Variants in KIRREL3 observed in about 807,000 individuals in gnomAD.
KIRREL3 encodes the protein kin of IRRE-like protein 3.
In KIRREL3, 36 loss-of-function variants were observed where a neutral mutation model predicts 89.7. The ratio of observed to expected loss-of-function variants is 0.40; its 90% confidence interval spans 0.31 to 0.53. The LOEUF is 0.53. KIRREL3 is among the 20% of genes least tolerant of loss of function. The pLI is 0.49. For synonymous variants in KIRREL3, 445 were observed against 441.4 expected, an observed-to-expected ratio of 1.01 and a Z score of -0.10; for missense variants, 864 against 1,056.6, an observed-to-expected ratio of 0.82 and a Z score of 2.53.
intron 1 of KIRREL3, among the ~76,000 whole-genome samples, chr11:126,700,675 G>C (rs1242690675): frequency 6.6e-6 from 1 of 152,138 alleles, no homozygotes; most frequent in Non-Finnish European, 1.5e-5. Flanking sequence ...GAAGCAGCCG[G>C]GGCTCTGAGG....
intron 1 of KIRREL3, among the ~76,000 whole-genome samples, chr11:126,679,515 G>T (rs1375506960): frequency 3.3e-5 from 5 of 152,124 alleles, no homozygotes; most frequent in South Asian, 2.1e-4. Context: ...AGTGTATAAG[G>T]TCACACACCT....
intron 1 of KIRREL3, among the ~76,000 whole-genome samples, chr11:126,854,502 T>C (rs1944445840): frequency 3.9e-5 from 6 of 152,224 alleles, no homozygotes; most frequent in Admixed American, 3.9e-4. Flanking sequence ...TCTGGCTTAT[T>C]TAACTTAGCA....
chr11:126,453,811 A>G (rs1956257234), intron 7 of KIRREL3, among the ~76,000 whole-genome samples: 1 of 152,094 alleles, frequency 6.6e-6, no homozygotes, highest in South Asian at 2.1e-4. Flanking sequence ...AGGGCCCTTC[A>G]CTAATCAGAA....
At chr11:126,886,491 T>C (rs888749664) in intron 1 of KIRREL3, among the ~76,000 whole-genome samples, 4 of 152,226 alleles carry the variant, frequency 2.6e-5, no homozygotes, top group Admixed American at 6.5e-5. Context: ...TAAACTTCAT[T>C]TTTAAACTGA....
At chr11:126,659,345 A>G (rs1418569500) in intron 1 of KIRREL3, among the ~76,000 whole-genome samples, 1 of 152,242 alleles carries the variant, frequency 6.6e-6, no homozygotes, top group Non-Finnish European at 1.5e-5. Context: ...AACACTTATC[A>G]TAATGCCACT....
At position 126,708,834 on chromosome 11, in the gene KIRREL3, C is replaced by T. The variant is rs1947644957; in HGVS notation, c.56-145922G>A. Among the ~76,000 whole-genome samples, 1 of 152,220 alleles carries T rather than the reference C, an allele frequency of 6.6e-6. No individual in the cohort carries two copies. Among genetic ancestry groups the T allele is most frequent in the African/African-American group, 2.4e-5 (1 of 41,458 alleles). On this transcript the variant is annotated intron_variant, in intron 1 of 16. Coordinates refer to ENST00000525144, the MANE Select transcript of KIRREL3 (RefSeq NM_032531.4). This position sits in a 1 kb window ranked among gnomAD's most constrained non-coding sequence, Gnocchi z 5.7. ...AATCATCACTAAGCCAGGTCAAAGG[C>T]CATGGGATCAGCTGTGATCTCTCCC... is the stretch of plus-strand genomic sequence containing the variant.
rs1434191941 is a variant in KIRREL3, at chr11:126,515,365, G to A, written c.433+5950C>T. Among the ~76,000 whole-genome samples the A allele has an allele frequency of 2.6e-5, 4 of 152,170 alleles. No homozygotes were observed. The highest frequency in any genetic ancestry group is 2.1e-4 in the South Asian group (1 of 4,828). On this transcript the variant is annotated intron_variant, in intron 4 of 16. Coordinates refer to ENST00000525144, the MANE Select transcript of KIRREL3 (RefSeq NM_032531.4). This position sits in a 1 kb window ranked among gnomAD's most constrained non-coding sequence, Gnocchi z 4.2. ...CTCGGGAGGCTGAGGTGGGAGGATC[G>A]CTTGAGCCAGGGAGGTCGAGGCTGC...
rs778205473 is a variant in KIRREL3 at position 126,999,471 on chromosome 11, C to T, written c.55+984G>A. Among the ~76,000 whole-genome samples the T allele has an allele frequency of 2.0e-5, 3 of 152,240 alleles. No individual in the cohort carries two copies. The highest frequency in any genetic ancestry group is 4.4e-5 in the Non-Finnish European group (3 of 68,046). Reference sequence around the variant, plus strand: ...ACCCTTCATTTAATCAACAGATGGACGTGCTCTGTTGTGGATTTTTTCTGA... The same window carrying T: ...ACCCTTCATTTAATCAACAGATGGATGTGCTCTGTTGTGGATTTTTTCTGA... On this transcript the variant is annotated intron_variant, in intron 1 of 16. Coordinates refer to ENST00000525144, the MANE Select transcript of KIRREL3 (RefSeq NM_032531.4). This position sits in a 1 kb window ranked among gnomAD's most constrained non-coding sequence, Gnocchi z 5.7.
In KIRREL3 at chr11:126,705,546, G is replaced by A. The variant is rs140086897; in HGVS notation, c.56-142634C>T. 1.2e-4 allele frequency among the ~76,000 whole-genome samples: 18 copies of A among 152,266 alleles called. No individual in the cohort carries two copies. Among genetic ancestry groups the A allele is most frequent in the African/African-American group, 2.9e-4 (12 of 41,548 alleles). On this transcript the variant is annotated intron_variant, in intron 1 of 16. Transcript: ENST00000525144. This position sits in a 1 kb window ranked among gnomAD's most constrained non-coding sequence, Gnocchi z 4.3. Reference sequence around the variant, plus strand: ...CAGAAGCTGAGAAGATACTGGAACCGTGCTTCCTGTACAGCCTGCAGAACT... The same window carrying A: ...CAGAAGCTGAGAAGATACTGGAACCATGCTTCCTGTACAGCCTGCAGAACT...
At chr11:126,479,633 C>T (rs1017906895) in intron 4 of KIRREL3, among the ~76,000 whole-genome samples, 1 of 152,206 alleles carries the variant, frequency 6.6e-6, no homozygotes, top group African/African-American at 2.4e-5. Context: ...GACAAACTGA[C>T]AAGTGCTATG....
chr11:126,790,187 C>T (rs937322364), intron 1 of KIRREL3, among the ~76,000 whole-genome samples: 2 of 152,320 alleles, frequency 1.3e-5, no homozygotes, highest in East Asian at 3.9e-4. Context: ...TGTTTCTTGT[C>T]CTCTTGCCTC....
At chr11:126,973,946 A>G (rs1949500343) in intron 1 of KIRREL3, among the ~76,000 whole-genome samples, 1 of 152,052 alleles carries the variant, frequency 6.6e-6, no homozygotes, top group African/African-American at 2.4e-5. Flanking sequence ...TTCTCTCCCT[A>G]CCAGAAGAGT....
rs1218401402 is a variant in KIRREL3 at position 126,822,861 on chromosome 11, C to T, written c.55+177594G>A. On this transcript the variant is annotated intron_variant, in intron 1 of 16. Coordinates refer to ENST00000525144, the MANE Select transcript of KIRREL3 (RefSeq NM_032531.4). ...TCAGAACGGGGCTTCTAGTAAGTTT[C>T]CAGAGACTCACACCTGCACCAGGAA... 2.4e-4 allele frequency among the ~76,000 whole-genome samples: 37 copies of T among 152,088 alleles called. 1 individual carries two copies. The highest frequency in any genetic ancestry group is 4.7e-4 in the Non-Finnish European group (32 of 68,014).
rs1942290783 is a variant in KIRREL3 at position 126,594,375 on chromosome 11, C to A, written c.56-31463G>T. ...ATCTCCCTCACTGGACCAGAAGCTC[C>A]TCGAGGAAACTCTGCGCCCTTTAGA... On this transcript the variant is annotated intron_variant, in intron 1 of 16. Transcript: ENST00000525144. The surrounding 1 kb of genome is among the most constrained non-coding windows in gnomAD (Gnocchi z 5.0). 6.6e-6 allele frequency among the ~76,000 whole-genome samples: 1 copy of A among 152,186 alleles called. No individual in the cohort carries two copies. The highest frequency in any genetic ancestry group is 1.5e-5 in the Non-Finnish European group (1 of 68,034).
Position 126,641,214 on chromosome 11 carries a change from A to G in KIRREL3, c.56-78302T>C, listed in dbSNP as rs1008015733. ...TTTCACACCCACATCCAATCTGTCAATGTAGCCTGTTGTCTCAAAATATAT... is the reference window on the plus strand; with the variant it reads ...TTTCACACCCACATCCAATCTGTCAGTGTAGCCTGTTGTCTCAAAATATAT... On this transcript the variant is annotated intron_variant, in intron 1 of 16. Transcript: ENST00000525144. This position sits in a 1 kb window ranked among gnomAD's most constrained non-coding sequence, Gnocchi z 5.0. Among the ~76,000 whole-genome samples, 4 of 152,120 alleles carry G rather than the reference A, an allele frequency of 2.6e-5. No individual in the cohort carries two copies. Among genetic ancestry groups the G allele is most frequent in the African/African-American group, 9.7e-5 (4 of 41,412 alleles).
At position 126,431,957 on chromosome 11, in the gene KIRREL3, T is replaced by C. The variant is rs1955150535; in HGVS notation, c.1589-431A>G. Among the ~76,000 whole-genome samples, 1 of 152,194 alleles carries C rather than the reference T, an allele frequency of 6.6e-6. No homozygotes were observed. The highest frequency in any genetic ancestry group is 1.5e-5 in the Non-Finnish European group (1 of 68,004). On this transcript the variant is annotated intron_variant, in intron 13 of 16. Coordinates refer to ENST00000525144, the MANE Select transcript of KIRREL3 (RefSeq NM_032531.4). This position sits in a 1 kb window ranked among gnomAD's most constrained non-coding sequence, Gnocchi z 7.1. ...TTTTTTGAAAAATGACTATGGTCAC[T>C]GCCCTTGTTTGTTCCGTATGTTCTC...
At chr11:126,731,562 G>A (rs1195932846) in intron 1 of KIRREL3, among the ~76,000 whole-genome samples, 1 of 152,206 alleles carries the variant, frequency 6.6e-6, no homozygotes, top group Non-Finnish European at 1.5e-5. Context: ...CCAATGCCTA[G>A]CGCCATGTCT....
Position 126,557,798 on chromosome 11 carries a change from G to C in KIRREL3, c.133+5037C>G, listed in dbSNP as rs1028642587. On this transcript the variant is annotated intron_variant, in intron 2 of 16. Coordinates refer to ENST00000525144, the MANE Select transcript of KIRREL3 (RefSeq NM_032531.4). The surrounding 1 kb of genome is among the most constrained non-coding windows in gnomAD (Gnocchi z 5.6). ...CAGGTGCTGTGGGGGAGGGGCATTTGCACACAGAGCCTGGACTGGGACCAC... is the reference window on the plus strand; with the variant it reads ...CAGGTGCTGTGGGGGAGGGGCATTTCCACACAGAGCCTGGACTGGGACCAC... 1.3e-5 allele frequency among the ~76,000 whole-genome samples: 2 copies of C among 152,184 alleles called. No individual in the cohort carries two copies. Among genetic ancestry groups the C allele is most frequent in the African/African-American group, 4.8e-5 (2 of 41,440 alleles).
rs575038444 is a variant in KIRREL3 at position 126,870,640 on chromosome 11, C to T, written c.55+129815G>A. ...GACAGACAGAAGCTCCCTCCAACCT[C>T]GTTTCCAATTCCACTCATGGCCGCC... On this transcript the variant is annotated intron_variant, in intron 1 of 16. Transcript: ENST00000525144. The surrounding 1 kb of genome is among the most constrained non-coding windows in gnomAD (Gnocchi z 4.4). Among the ~76,000 whole-genome samples, 9 of 152,332 alleles carry T rather than the reference C, an allele frequency of 5.9e-5. No individual in the cohort carries two copies. The highest frequency in any genetic ancestry group is 1.2e-4 in the Non-Finnish European group (8 of 68,034).
Sources: gnomAD v4.1 joint callset for allele counts (sites outside exome capture counted in the v4.1 genomes callset) on GRCh38, gnomAD v4.1.1 for gene constraint, Gnocchi (gnomAD v3.1) non-coding constraint, MANE v1.5 for transcripts, NCBI Gene and HGNC (gene_info 2026-07-23, HGNC 2026-07-21) for gene names.